SOX6: variants seen among roughly 807,000 people sequenced by gnomAD.
The protein encoded by SOX6 is SRY-box transcription factor 6.
In SOX6, 11 loss-of-function variants were observed where a neutral mutation model predicts 97.8. That is an observed-to-expected ratio of 0.11 (90% CI 0.07 to 0.19). The LOEUF (loss-of-function observed/expected upper bound fraction) is 0.19. SOX6 is among the 10% of genes least tolerant of loss of function. The probability of loss-of-function intolerance (pLI) is 1.00; values close to 1 mark genes in which losing one functional copy is unlikely to be tolerated. For missense variants in SOX6, 810 were observed against 1,039.5 expected, an observed-to-expected ratio of 0.78 and a Z score of 3.04; for synonymous variants, 360 against 371.4, an observed-to-expected ratio of 0.97 and a Z score of 0.35.
At chr11:16,153,406 C>A (rs1013399809) in intron 6 of SOX6, among the ~76,000 whole-genome samples, 3 of 152,020 alleles carry the variant, frequency 2.0e-5, no homozygotes, top group African/African-American at 4.8e-5. Context: ...ATATGTCATC[C>A]TACAAAGCAG....
chr11:16,235,028 T>C (rs1852973933), intron 3 of SOX6, among the ~76,000 whole-genome samples: 1 of 151,994 alleles, frequency 6.6e-6, no homozygotes, highest in Non-Finnish European at 1.5e-5. Flanking sequence ...CTCCTTTTAA[T>C]CCAGGCAATA....
Position 16,605,112 on chromosome 11 carries a change from G to GC in SOX6, n.609+6968dup, listed in dbSNP as rs1441023163. On this transcript the variant is annotated intron_variant and non_coding_transcript_variant, in intron 4 of 5. Coordinates refer to the SOX6 transcript ENST00000524520. The surrounding 1 kb of genome is among the most constrained non-coding windows in gnomAD (Gnocchi z 5.3). ...GGGTCCCGGGGCGGGTGGCAGCACC[G>GC]CCCCCTGCCCTGGGCCGAGCCCGGG... 6.6e-6 allele frequency among the ~76,000 whole-genome samples: 1 copy of GC among 151,542 alleles called. No individual in the cohort carries two copies. The highest frequency in any genetic ancestry group is 2.4e-5 in the African/African-American group (1 of 41,330).
chr11:16,552,995 CA>C (rs1847706630), intron 4 of SOX6, among the ~76,000 whole-genome samples: 1 of 152,116 alleles, frequency 6.6e-6, no homozygotes, highest in African/African-American at 2.4e-5. Context: ...ATATGGAAAT[CA>C]TTTTTGATAT....
chr11:16,554,827 G>A (rs1018059195), intron 4 of SOX6, among the ~76,000 whole-genome samples: 4 of 151,868 alleles, frequency 2.6e-5, no homozygotes, highest in Admixed American at 6.6e-5. Flanking sequence ...AGAGAGAGAC[G>A]AGCAAAGAAA....
chr11:16,662,772 C>T (rs1425350150), intron 3 of SOX6, among the ~76,000 whole-genome samples: 2 of 152,162 alleles, frequency 1.3e-5, no homozygotes, highest in South Asian at 4.1e-4. Context: ...TGGTTCACTG[C>T]AGCCTCAACC....
At chr11:16,383,042 T>C (rs1165828746) in intron 1 of SOX6, among the ~76,000 whole-genome samples, 1 of 151,972 alleles carries the variant, frequency 6.6e-6, no homozygotes, top group Non-Finnish European at 1.5e-5. Flanking sequence ...GTGTATTAGC[T>C]TCTGTGTAAG....
At chr11:15,986,178 A>G in intron 15 of SOX6, 26 bp downstream of exon 15, 5 of 1,602,260 alleles carry the variant, frequency 3.1e-6, no homozygotes, top group Non-Finnish European at 4.3e-6. Flanking sequence ...AGTAAAGCCC[A>G]GGTGGCTAAA....
intron 1 of SOX6, among the ~76,000 whole-genome samples, chr11:16,346,251 T>C (rs1856773457): frequency 6.6e-6 from 1 of 152,020 alleles, no homozygotes; most frequent in Non-Finnish European, 1.5e-5. Flanking sequence ...ACAGTGCCTC[T>C]CATCTTAAGG....
intron 4 of SOX6, among the ~76,000 whole-genome samples, chr11:16,228,394 T>C (rs960123052): frequency 1.3e-5 from 2 of 152,224 alleles, no homozygotes; most frequent in Admixed American, 6.5e-5. Flanking sequence ...ATGCCAATTA[T>C]AGCATTCTAT....
intron 1 of SOX6, among the ~76,000 whole-genome samples, chr11:16,466,659 G>A (rs1410142313): frequency 1.3e-5 from 2 of 149,994 alleles, no homozygotes; most frequent in Non-Finnish European, 3.0e-5. Flanking sequence ...GGCCGGGCGC[G>A]GTGGCTCACG....
intron 1 of SOX6, among the ~76,000 whole-genome samples, chr11:16,447,298 C>T (rs1049601957): frequency 8.5e-5 from 13 of 152,110 alleles, no homozygotes; most frequent in African/African-American, 2.7e-4. Context: ...AATATGAATT[C>T]TGGCTCTATC....
chr11:16,369,955 T>A (rs1590165046), intron 1 of SOX6, among the ~76,000 whole-genome samples: 4 of 152,118 alleles, frequency 2.6e-5, no homozygotes. Context: ...GCTGCACCAT[T>A]TATGTTTCCA....
chr11:16,435,608 T>C (rs937564827), intron 1 of SOX6, among the ~76,000 whole-genome samples: 6 of 152,126 alleles, frequency 3.9e-5, no homozygotes, highest in African/African-American at 1.4e-4. Context: ...CACCTTGATT[T>C]TAGACTTCTA....
chr11:16,541,676 A>G (rs1204367064), intron 4 of SOX6, among the ~76,000 whole-genome samples: 1 of 152,252 alleles, frequency 6.6e-6, no homozygotes, highest in East Asian at 1.9e-4. Flanking sequence ...CACTTCTCAA[A>G]AGAAGACACT....
At chr11:16,336,300 C>T (rs368633543) in intron 2 of SOX6, among the ~76,000 whole-genome samples, 1 of 152,120 alleles carries the variant, frequency 6.6e-6, no homozygotes, top group Non-Finnish European at 1.5e-5. Context: ...TCTCTCACCT[C>T]GGCCCATTCT....
chr11:16,218,761 C>G (rs1565027636), intron 4 of SOX6, among the ~76,000 whole-genome samples: 1 of 152,070 alleles, frequency 6.6e-6, no homozygotes, highest in Non-Finnish European at 1.5e-5. Flanking sequence ...CGCACATTAA[C>G]TTGAAAGAAA....
chr11:16,067,495 C>T (rs1486489050), intron 9 of SOX6, among the ~76,000 whole-genome samples: 1 of 152,126 alleles, frequency 6.6e-6, no homozygotes, highest in African/African-American at 2.4e-5. Flanking sequence ...CCTCCTTCAC[C>T]TTCTGCCATG....
chr11:16,357,094 T>C (rs1227176994), upstream of SOX6, among the ~76,000 whole-genome samples: 1 of 152,126 alleles, frequency 6.6e-6, no homozygotes, highest in African/African-American at 2.4e-5. Context: ...TTCTTCATCA[T>C]TGTTGGAGAA....
Position 15,979,263 on chromosome 11 carries a change from G to A in SOX6, c.2184-6151C>T, listed in dbSNP as rs150664664. Among the ~76,000 whole-genome samples, 725 of 151,634 alleles carry A rather than the reference G, an allele frequency of 4.8e-3. 8 individuals are homozygous for A. Among genetic ancestry groups the A allele is most frequent in the African/African-American group, 0.017 (692 of 41,358 alleles). ...TTCAAACTCTGTATCCAATTGATCA[G>A]CAAATCCTATTGGTTCTTCTTCAGG... On this transcript the variant is annotated intron_variant, in intron 15 of 15. Transcript: ENST00000683767.
Sources: allele counts gnomAD v4.1 joint callset (sites outside exome capture counted in the v4.1 genomes callset), GRCh38; gene constraint gnomAD v4.1.1; non-coding constraint Gnocchi (gnomAD v3.1); transcripts MANE v1.5; gene names NCBI Gene and HGNC (gene_info 2026-07-23, HGNC 2026-07-21).